The following KCNB2 variants were observed in gnomAD, a reference collection of about 807,000 sequenced individuals.
KCNB2 encodes delayed rectifier potassium channel protein.
A neutral mutation model predicts 61.5 loss-of-function variants in KCNB2; 15 were observed. The observed-to-expected ratio is 0.24, with a 90% CI of 0.16 to 0.38. The LOEUF (loss-of-function observed/expected upper bound fraction) is 0.38. KCNB2 is among the 10% of genes least tolerant of loss of function. The probability of loss-of-function intolerance (pLI) is 1.00; values close to 1 mark genes in which losing one functional copy is unlikely to be tolerated. For synonymous variants in KCNB2, 457 were observed against 446.0 expected, an observed-to-expected ratio of 1.02 and a Z score of -0.31; for missense variants, 828 against 1,125.2, an observed-to-expected ratio of 0.74 and a Z score of 3.78.
chr8:72,752,857 A>G (rs1285089509), intron 2 of KCNB2, among the ~76,000 whole-genome samples: 1 of 152,200 alleles, frequency 6.6e-6, no homozygotes, highest in Non-Finnish European at 1.5e-5. Flanking sequence ...CACTCTACTC[A>G]GGTTCTTCCA....
chr8:72,546,343 G>A (rs968518209), intron 1 of KCNB2, among the ~76,000 whole-genome samples: 3 of 151,956 alleles, frequency 2.0e-5, no homozygotes, highest in Non-Finnish European at 2.9e-5. Context: ...ATGAAACCCC[G>A]TGTCTACTAA....
chr8:72,723,251 C>T (rs1325620981), intron 2 of KCNB2, among the ~76,000 whole-genome samples: 4 of 152,154 alleles, frequency 2.6e-5, no homozygotes, highest in Admixed American at 6.5e-5. Flanking sequence ...TTAAGTAGAA[C>T]ATCAGAATGA....
intron 2 of KCNB2, among the ~76,000 whole-genome samples, chr8:72,585,994 A>G (rs989038088): frequency 3.9e-5 from 6 of 152,184 alleles, no homozygotes; most frequent in Non-Finnish European, 8.8e-5. Flanking sequence ...GCTATTTCTT[A>G]TGTTCTCTTT....
intron 2 of KCNB2, among the ~76,000 whole-genome samples, chr8:72,609,043 G>C (rs908025798): frequency 6.6e-6 from 1 of 152,184 alleles, no homozygotes. Flanking sequence ...GAGTAGAATT[G>C]TTTCATAGAG....
intron 2 of KCNB2, among the ~76,000 whole-genome samples, chr8:72,612,641 C>G (rs1805558941): frequency 6.6e-6 from 1 of 152,272 alleles, no homozygotes; most frequent in South Asian, 2.1e-4. Flanking sequence ...GTGTTAGGAA[C>G]TGAGACATCA....
At chr8:72,718,217 G>A (rs893242493) in intron 2 of KCNB2, among the ~76,000 whole-genome samples, 2 of 152,160 alleles carry the variant, frequency 1.3e-5, no homozygotes, top group Non-Finnish European at 2.9e-5. Flanking sequence ...CTGTTGGTGG[G>A]ACTGTAAACT....
chr8:72,803,859 AG>A (rs1389413158), intron 2 of KCNB2, among the ~76,000 whole-genome samples: 1 of 152,224 alleles, frequency 6.6e-6, no homozygotes, highest in Non-Finnish European at 1.5e-5. Context: ...GAAAGCAGGA[AG>A]GAAGAGGTGA....
At chr8:72,862,192 T>C (rs1305869081) in intron 2 of KCNB2, among the ~76,000 whole-genome samples, 1 of 152,186 alleles carries the variant, frequency 6.6e-6, no homozygotes, top group Non-Finnish European at 1.5e-5. Flanking sequence ...CTTCATTTCA[T>C]TGAGAAACAC....
intron 2 of KCNB2, among the ~76,000 whole-genome samples, chr8:72,831,409 G>T (rs1809692269): frequency 6.6e-6 from 1 of 152,122 alleles, no homozygotes; most frequent in Non-Finnish European, 1.5e-5. Flanking sequence ...ACCAGATATG[G>T]GTTATAAAAG....
chr8:72,570,634 G>T (rs1806693038), intron 2 of KCNB2, among the ~76,000 whole-genome samples: 1 of 151,992 alleles, frequency 6.6e-6, no homozygotes, highest in Non-Finnish European at 1.5e-5. Flanking sequence ...TGTGTGGATA[G>T]TATTTTCACA....
intron 2 of KCNB2, among the ~76,000 whole-genome samples, chr8:72,622,623 C>G (rs1038942929): frequency 6.6e-6 from 1 of 152,096 alleles, no homozygotes; most frequent in Non-Finnish European, 1.5e-5. Flanking sequence ...TGTGAATAAT[C>G]TAGATAATTA....
At chr8:72,553,080 C>T (rs1806370445) in intron 1 of KCNB2, among the ~76,000 whole-genome samples, 2 of 151,910 alleles carry the variant, frequency 1.3e-5, no homozygotes, top group South Asian at 2.1e-4. Context: ...TTAAAAAAAA[C>T]ACACAGACCA....
intron 2 of KCNB2, among the ~76,000 whole-genome samples, chr8:72,800,362 A>G (rs1809104541): frequency 6.6e-6 from 1 of 152,216 alleles, no homozygotes; most frequent in Non-Finnish European, 1.5e-5. Flanking sequence ...ACTACAATTC[A>G]TAAATGTTTA....
intron 2 of KCNB2, among the ~76,000 whole-genome samples, chr8:72,621,547 T>C (rs1805713244): frequency 6.6e-6 from 1 of 152,162 alleles, no homozygotes; most frequent in South Asian, 2.1e-4. Context: ...TATAATTTTT[T>C]ATTTTTAATG....
At chr8:72,778,266 C>G (rs907853105) in intron 2 of KCNB2, among the ~76,000 whole-genome samples, 2 of 152,136 alleles carry the variant, frequency 1.3e-5, no homozygotes, top group African/African-American at 4.8e-5. Context: ...ATTGTTTTTA[C>G]TACCCTGGAA....
At chr8:72,633,553 T>C (rs145073432) in intron 2 of KCNB2, among the ~76,000 whole-genome samples, 1 of 152,144 alleles carries the variant, frequency 6.6e-6, no homozygotes, top group Admixed American at 6.6e-5. Flanking sequence ...GGGTTCTGTG[T>C]TCCTAACCTG....
intron 1 of KCNB2, among the ~76,000 whole-genome samples, chr8:72,540,452 A>C (rs752442755): frequency 1.3e-5 from 2 of 152,204 alleles, no homozygotes; most frequent in African/African-American, 2.4e-5. Context: ...ACAGATGGAC[A>C]ATACAAAGGC....
chr8:72,764,782 A>G (rs1808436083), intron 2 of KCNB2, among the ~76,000 whole-genome samples: 1 of 152,188 alleles, frequency 6.6e-6, no homozygotes, highest in South Asian at 2.1e-4. Context: ...TCTCAAATTT[A>G]TCAAGAGAAA....
At chr8:72,740,597 A>G (rs1486485860) in intron 2 of KCNB2, among the ~76,000 whole-genome samples, 3 of 152,172 alleles carry the variant, frequency 2.0e-5, no homozygotes, top group Non-Finnish European at 2.9e-5. Context: ...TGCCAAAAGG[A>G]AGGGGCAGAG....
Sources: allele counts gnomAD v4.1 joint callset (sites outside exome capture counted in the v4.1 genomes callset), GRCh38; gene constraint gnomAD v4.1.1; transcripts MANE v1.5; gene names NCBI Gene and HGNC (gene_info 2026-07-23, HGNC 2026-07-21).